The following LRMDA variants were observed in gnomAD, a reference collection of about 807,000 sequenced individuals.
LRMDA encodes the protein leucine rich melanocyte differentiation associated, also known as leucine-rich melanocyte differentiation-associated protein.
A neutral mutation model predicts 29.8 loss-of-function variants in LRMDA; 18 were observed. That is an observed-to-expected ratio of 0.60 (90% confidence interval 0.42 to 0.90). The LOEUF (loss-of-function observed/expected upper bound fraction) is 0.90. Ranked by LOEUF, LRMDA falls within the 40% of genes least tolerant of loss-of-function variation. LRMDA has a pLI of 0.00. For synonymous variants in LRMDA, 125 were observed against 109.4 expected (o/e 1.14, Z -0.89); for missense variants, 273 against 273.9 (o/e 1.00, Z 0.02).
intron 6 of LRMDA, among the ~76,000 whole-genome samples, chr10:76,339,425 A>T (rs1463078503): frequency 6.6e-6 from 1 of 152,042 alleles, no homozygotes; most frequent in African/African-American, 2.4e-5. Flanking sequence ...AAACTGTGGG[A>T]TATACCAAAA....
chr10:75,914,209 A>T (rs2132380377), intron 2 of LRMDA, among the ~76,000 whole-genome samples: 1 of 152,346 alleles, frequency 6.6e-6, no homozygotes, highest in East Asian at 1.9e-4. Context: ...TCAAAAAAGG[A>T]GAGAAAATTG....
intron 2 of LRMDA, among the ~76,000 whole-genome samples, chr10:75,542,141 G>A (rs1356444061): frequency 6.6e-6 from 1 of 152,148 alleles, no homozygotes; most frequent in Non-Finnish European, 1.5e-5. Flanking sequence ...ACCAAAACCT[G>A]ACAAAGGGTG....
chr10:75,687,380 G>C (rs1210558394), intron 2 of LRMDA, among the ~76,000 whole-genome samples: 1 of 152,174 alleles, frequency 6.6e-6, no homozygotes, highest in South Asian at 2.1e-4. Flanking sequence ...TATGAAGAAA[G>C]TTTTTGTGGT....
intron 2 of LRMDA, among the ~76,000 whole-genome samples, chr10:75,890,823 G>T (rs775153327): frequency 1.1e-4 from 16 of 150,584 alleles, no homozygotes; most frequent in Non-Finnish European, 2.4e-4. Flanking sequence ...CTTGGCCTAT[G>T]GCTGGGTGTG....
chr10:75,979,583 G>A (rs538477201), intron 2 of LRMDA, among the ~76,000 whole-genome samples: 5 of 152,200 alleles, frequency 3.3e-5, no homozygotes, highest in Non-Finnish European at 5.9e-5. Context: ...CCAACATCCC[G>A]TGGGGACCAG....
chr10:76,255,769 C>T (rs1279987823), intron 5 of LRMDA, among the ~76,000 whole-genome samples: 1 of 152,040 alleles, frequency 6.6e-6, no homozygotes, highest in African/African-American at 2.4e-5. Flanking sequence ...TGAAATGAAG[C>T]TCACAAAAGA....
intron 2 of LRMDA, among the ~76,000 whole-genome samples, chr10:75,649,741 G>A (rs965125925): frequency 6.6e-6 from 1 of 152,162 alleles, no homozygotes; most frequent in Non-Finnish European, 1.5e-5. Context: ...TTTTATAGCA[G>A]CTGCACAACT....
intron 6 of LRMDA, among the ~76,000 whole-genome samples, chr10:76,507,723 T>C (rs1842973042): frequency 6.6e-6 from 1 of 152,102 alleles, no homozygotes; most frequent in Admixed American, 6.6e-5. Context: ...GGGTGTCCAG[T>C]TTTTCCCACA....
chr10:75,618,811 T>C (rs1218428209), intron 2 of LRMDA, among the ~76,000 whole-genome samples: 1 of 151,144 alleles, frequency 6.6e-6, no homozygotes, highest in Non-Finnish European at 1.5e-5. Flanking sequence ...AATTTCACTC[T>C]TGTTGCCCTG....
At chr10:75,827,201 T>C (rs1223731173) in intron 2 of LRMDA, among the ~76,000 whole-genome samples, 2 of 152,152 alleles carry the variant, frequency 1.3e-5, no homozygotes, top group African/African-American at 4.8e-5. Context: ...ATTAGAAAAG[T>C]CTTGATTGTG....
At chr10:76,426,356 T>C (rs933324531) in intron 6 of LRMDA, among the ~76,000 whole-genome samples, 4 of 152,232 alleles carry the variant, frequency 2.6e-5, no homozygotes, top group African/African-American at 9.6e-5. Context: ...TGGCCAGTGA[T>C]GATGAGCATT....
chr10:75,949,782 A>G (rs951415132), intron 2 of LRMDA, among the ~76,000 whole-genome samples: 8 of 152,078 alleles, frequency 5.3e-5, no homozygotes, highest in Admixed American at 4.6e-4. Flanking sequence ...CAGAGATGCA[A>G]CCTTCTATCT....
At chr10:76,094,913 TA>T (rs1394237869) in intron 5 of LRMDA, among the ~76,000 whole-genome samples, 1 of 152,190 alleles carries the variant, frequency 6.6e-6, no homozygotes, top group African/African-American at 2.4e-5. Context: ...TTTCACTTAG[TA>T]GGTTTCTTTC....
At chr10:76,510,066 G>T (rs1187771433) in intron 6 of LRMDA, among the ~76,000 whole-genome samples, 2 of 151,970 alleles carry the variant, frequency 1.3e-5, no homozygotes, top group Non-Finnish European at 2.9e-5. Flanking sequence ...CATTTTTGTT[G>T]TTGTTTGTTT....
chr10:76,349,935 C>T (rs1220904998), intron 6 of LRMDA, among the ~76,000 whole-genome samples: 4 of 151,656 alleles, frequency 2.6e-5, no homozygotes, highest in South Asian at 4.2e-4. Context: ...AAACAGAAGC[C>T]GGAAACAACC....
chr10:75,433,198 C>T (rs1036326918), intron 1 of LRMDA, among the ~76,000 whole-genome samples: 4 of 152,140 alleles, frequency 2.6e-5, no homozygotes, highest in Non-Finnish European at 4.4e-5. Flanking sequence ...GCCCCCCAGA[C>T]CCTAGGTCTC....
intron 2 of LRMDA, among the ~76,000 whole-genome samples, chr10:75,472,309 G>A (rs1483672522): frequency 1.3e-5 from 2 of 152,132 alleles, no homozygotes; most frequent in East Asian, 3.8e-4. Flanking sequence ...GAGGCAGAAG[G>A]GCCTACCATT....
At chr10:76,426,541 A>C (rs571664469) in intron 6 of LRMDA, among the ~76,000 whole-genome samples, 1 of 152,068 alleles carries the variant, frequency 6.6e-6, no homozygotes, top group Admixed American at 6.5e-5. Flanking sequence ...ATTTTCTCCC[A>C]TTCTGTAGGT....
rs533888320 is a variant in LRMDA at position 76,212,269 on chromosome 10, A to ACACACACACACAT, written c.517-112132_517-112131insCACACACACACAT. 8.6e-3 allele frequency among the ~76,000 whole-genome samples: 1,156 copies of ACACACACACACAT among 135,186 alleles called. 5 individuals carry two copies. The highest frequency in any genetic ancestry group is 0.012 in the Non-Finnish European group (802 of 64,832). 88.7% of individuals were successfully genotyped at this position (135,186 alleles called of 152,430 possible). ...CACACACACACACACACACACACAT[A>ACACACACACACAT]AAAAAAAAAAACTATAGAGAAATAT... On this transcript the variant is annotated intron_variant, in intron 5 of 6. Coordinates refer to ENST00000611255, the MANE Select transcript of LRMDA (RefSeq NM_001305581.2).
Sources: gnomAD v4.1 joint callset for allele counts (sites outside exome capture counted in the v4.1 genomes callset) on GRCh38, gnomAD v4.1.1 for gene constraint, MANE v1.5 for transcripts, NCBI Gene and HGNC (gene_info 2026-07-23, HGNC 2026-07-21) for gene names.